The following FARSB variants were observed in gnomAD, a reference collection of about 807,000 sequenced individuals.
The protein encoded by FARSB is phenylalanine--tRNA ligase beta subunit.
A neutral mutation model predicts 69.6 loss-of-function variants in FARSB; 40 were observed. The ratio of observed to expected loss-of-function variants is 0.57; its 90% confidence interval spans 0.45 to 0.75. FARSB has a LOEUF of 0.75. Ranked by LOEUF, FARSB falls within the 30% of genes least tolerant of loss-of-function variation. The pLI, the probability that FARSB is intolerant of heterozygous loss-of-function variation, is 0.00. For synonymous variants in FARSB, 235 were observed against 247.2 expected, an observed-to-expected ratio of 0.95 and a Z score of 0.46; for missense variants, 632 against 722.9, an observed-to-expected ratio of 0.87 and a Z score of 1.44.
intron 16 of FARSB, among the ~76,000 whole-genome samples, chr2:222,581,101 C>CA (rs1689957618): frequency 6.6e-6 from 1 of 152,090 alleles, no homozygotes; most frequent in Non-Finnish European, 1.5e-5. Flanking sequence ...ATTCATTTCT[C>CA]AAAAAGCCCA....
At chr2:222,652,278 G>A (rs1310734717) in intron 1 of FARSB, among the ~76,000 whole-genome samples, 3 of 152,172 alleles carry the variant, frequency 2.0e-5, no homozygotes, top group Non-Finnish European at 2.9e-5. Context: ...TTGGGAGGGG[G>A]TGAGTATATT....
intron 3 of FARSB, 45 bp from the exon 4 acceptor site, chr2:222,640,976 T>C: frequency 1.0e-6 from 1 of 953,860 alleles, no homozygotes; most frequent in East Asian, 2.7e-5. Flanking sequence ...AATCAAGACA[T>C]TATATAAAAT....
chr2:222,600,632 T>C (rs771967840), intron 15 of FARSB, among the ~76,000 whole-genome samples: 3 of 152,114 alleles, frequency 2.0e-5, no homozygotes, highest in African/African-American at 7.2e-5. Flanking sequence ...CAAATACTTA[T>C]CATAGTAAAT....
In FARSB at chr2:222,648,731, A is replaced by T. The variant is rs1691942334; in HGVS notation, c.114+9T>A. 6.6e-7 allele frequency: 1 copy of T among 1,524,394 alleles called. No individual in the cohort carries two copies. Among genetic ancestry groups the T allele is most frequent in the Non-Finnish European group, 9.1e-7 (1 of 1,098,256 alleles). 94.4% of individuals were successfully genotyped at this position (1,524,394 alleles called of 1,614,324 possible). On this transcript the variant is annotated intron_variant, in intron 2 of 16. Transcript: ENST00000281828. ...ATCTTTGAAAAATAGACAAATATCC[A>T]ATACATACAATTTCATCAAGCTCCA...
chr2:222,594,561 G>GTA (rs753431084), intron 16 of FARSB, among the ~76,000 whole-genome samples: 3 of 151,906 alleles, frequency 2.0e-5, no homozygotes, highest in Non-Finnish European at 2.9e-5. Context: ...CATATATACA[G>GTA]TATATATATA....
At position 222,614,611 on chromosome 2, in the gene FARSB, G is replaced by A. The variant is rs556528586; in HGVS notation, c.1345-683C>T. On this transcript the variant is annotated intron_variant, in intron 14 of 16. Coordinates refer to ENST00000281828, the MANE Select transcript of FARSB (RefSeq NM_005687.5). ...TGTAATCCCAAAGCTTTGGGAAGCC[G>A]AGGTAGGAGGAACACTTGAGGCTAG... Among the ~76,000 whole-genome samples the A allele has an allele frequency of 9.2e-5, 14 of 152,306 alleles. No individual in the cohort carries two copies. In the South Asian group the frequency reaches 2.5e-3, roughly 27 times the overall value.
At chr2:222,627,042 GA>G (rs1349831594) in intron 10 of FARSB, among the ~76,000 whole-genome samples, 2 of 151,650 alleles carry the variant, frequency 1.3e-5, no homozygotes, top group African/African-American at 2.4e-5. Flanking sequence ...TCTCAAAAAA[GA>G]AAAAAGAAGA....
At chr2:222,627,014 C>T (rs112290125) in intron 10 of FARSB, among the ~76,000 whole-genome samples, 17,033 of 151,916 alleles carry the variant, frequency 0.11, 1,024 homozygotes, top group Non-Finnish European at 0.12. Flanking sequence ...CCAGCCTTGG[C>T]GACAGAGGGA....
In FARSB at chr2:222,619,740, G is replaced by A. The variant is rs1352333036; in HGVS notation, c.1252-3C>T. ...TCAGCAATATCTTCTTGGGAGCACT[G>A]TGAAGTACACACAAAACAGATTAAT... On this transcript the variant is annotated splice_polypyrimidine_tract_variant and splice_region_variant and intron_variant, in intron 13 of 16. Transcript: ENST00000281828. 6.6e-7 allele frequency: 1 copy of A among 1,524,902 alleles called. No individual in the cohort carries two copies. Among genetic ancestry groups the A allele is most frequent in the South Asian group, 1.1e-5 (1 of 89,042 alleles). 94.5% of individuals were successfully genotyped at this position (1,524,902 alleles called of 1,614,324 possible). A position where few individuals can be genotyped will look rare whatever the true frequency, so the allele number is the denominator to read the frequency against.
Position 222,571,760 on chromosome 2 carries a change from T to C in FARSB, c.*111A>G. The C allele has an allele frequency of 1.1e-6, 1 of 928,660 alleles. No homozygotes were observed. The highest frequency in any genetic ancestry group is 1.6e-6 in the Non-Finnish European group (1 of 623,172). The allele number at this position is 928,660 out of a possible 1,614,324, so 57.5% of individuals were successfully genotyped here. A position where few individuals can be genotyped will look rare whatever the true frequency, so the allele number is the denominator to read the frequency against. On this transcript the variant is annotated 3_prime_UTR_variant, in exon 17 of 17. Coordinates refer to ENST00000281828, the MANE Select transcript of FARSB (RefSeq NM_005687.5). ...CACACAGCCAGACAGTGCTTTCTAC[T>C]TTATTAAACATCAAAGCCCAAATAG... is the stretch of plus-strand genomic sequence containing the variant.
Position 222,571,819 on chromosome 2 carries a change from G to A in FARSB, c.*52C>T. ...TGTGGAGGAGGACTTAAGGACACTA[G>A]GGGAGGAGAAAGGGACACCTGGGAA... On this transcript the variant is annotated 3_prime_UTR_variant, in exon 17 of 17. Coordinates refer to ENST00000281828, the MANE Select transcript of FARSB (RefSeq NM_005687.5). The A allele has an allele frequency of 1.3e-6, 2 of 1,508,802 alleles. No homozygotes were observed. Among genetic ancestry groups the A allele is most frequent in the South Asian group, 1.2e-5 (1 of 83,666 alleles). The allele number at this position is 1,508,802 out of a possible 1,614,324, so 93.5% of individuals were successfully genotyped here.
intron 1 of FARSB, among the ~76,000 whole-genome samples, chr2:222,649,695 C>G (rs115953836): frequency 0.017 from 2,617 of 152,236 alleles, 27 homozygotes; most frequent in South Asian, 0.043. Context: ...ATAAAATGGA[C>G]CTGGCATAGT....
rs775104835 is a variant in FARSB, at chr2:222,630,115, A to T, written c.846T>A (p.Phe282Leu). ...ATAAAGGTGCTGGATGAACTTACGTAAATTGATTCTCACAATATTCACTGA... is the reference window on the plus strand; with the variant it reads ...ATAAAGGTGCTGGATGAACTTACGTTAATTGATTCTCACAATATTCACTGA... ...TMFSEYCENQFTVEAAEVVFP... is the reference protein window; with the variant it reads ...TMFSEYCENQLTVEAAEVVFP... The change falls in exon 9 of 17, where the codon TTT becomes TTA. Residue 282 changes from phenylalanine (F) to leucine (L), a missense_variant and splice_region_variant. Physicochemically the swap from Phe to Leu is conservative, Grantham distance 22. Coordinates refer to ENST00000281828, the MANE Select transcript of FARSB (RefSeq NM_005687.5). The T allele has an allele frequency of 6.5e-7, 1 of 1,546,426 alleles. No homozygotes were observed. Among genetic ancestry groups the T allele is most frequent in the East Asian group, 2.4e-5 (1 of 42,378 alleles).
rs56187141 is a variant in FARSB, at chr2:222,570,337, G to A, written c.*1534C>T. On this transcript the variant is annotated 3_prime_UTR_variant, in exon 17 of 17. Coordinates refer to ENST00000281828, the MANE Select transcript of FARSB (RefSeq NM_005687.5). ...AGAGGGCATATTTCATTTTTAAAAT[G>A]TTGTAAGGATCTGCTTATAACAGAG... Among the ~76,000 whole-genome samples, 22,004 of 152,154 alleles carry A rather than the reference G, an allele frequency of 0.14. 2,530 individuals are homozygous for A. Among genetic ancestry groups the A allele is most frequent in the East Asian group, 0.56 (2,911 of 5,178 alleles).
chr2:222,612,691 C>A (rs1471384556), intron 15 of FARSB, among the ~76,000 whole-genome samples: 2 of 152,198 alleles, frequency 1.3e-5, no homozygotes, highest in African/African-American at 4.8e-5. Flanking sequence ...CAAGGAAACA[C>A]AGCAATTGAG....
At chr2:222,650,843 C>T (rs1159850965) in intron 1 of FARSB, among the ~76,000 whole-genome samples, 2 of 152,178 alleles carry the variant, frequency 1.3e-5, no homozygotes, top group African/African-American at 2.4e-5. Context: ...AGCTACTCCC[C>T]GATTCCTGTC....
At chr2:222,600,111 C>A (rs114438167) in intron 15 of FARSB, 28 bp from the exon 16 acceptor site, 1 of 1,582,374 alleles carries the variant, frequency 6.3e-7, no homozygotes, top group Admixed American at 1.9e-5. Context: ...CTGGTCACAA[C>A]GCTGTATTAA....
At position 222,599,911 on chromosome 2, in the gene FARSB, C is replaced by T. The variant is rs369727146; in HGVS notation, c.1618+17G>A. ...CTGACACTGTCACTAACTCTGGATT[C>T]GGCTCATCTGTCTTACCTTCTGATG... On this transcript the variant is annotated intron_variant, in intron 16 of 16. Transcript: ENST00000281828. The T allele has an allele frequency of 8.9e-4, 1,396 of 1,565,790 alleles. 27 individuals carry two copies. The South Asian group carries it at 0.015, about 17-fold the overall frequency.
chr2:222,639,446 G>T, intron 5 of FARSB, 134 bp downstream of exon 5: 1 of 448,032 alleles, frequency 2.2e-6, no homozygotes, highest in Non-Finnish European at 4.1e-6. Context: ...ATCTGCAGAG[G>T]AAGAAAGGAA....
Sources: gnomAD v4.1 joint callset for allele counts (sites outside exome capture counted in the v4.1 genomes callset) on GRCh38, gnomAD v4.1.1 for gene constraint, MANE v1.5 for transcripts, NCBI Gene and HGNC (gene_info 2026-07-23, HGNC 2026-07-21) for gene names.